The following RBL1 variants were observed in gnomAD, a reference collection of about 807,000 sequenced individuals.
RBL1 encodes the protein RB transcriptional corepressor like 1, also known as retinoblastoma-like protein 1.
A neutral mutation model predicts 123.0 loss-of-function variants in RBL1; 82 were observed. The ratio of observed to expected loss-of-function variants is 0.67; its 90% CI spans 0.56 to 0.80. RBL1 has a LOEUF of 0.80. Ranked by LOEUF, RBL1 falls within the 30% of genes least tolerant of loss-of-function variation. The pLI is 0.00. For synonymous variants in RBL1, 405 were observed against 441.3 expected (o/e 0.92, Z 1.03); for missense variants, 1,171 against 1,299.6 (o/e 0.90, Z 1.52).
At chr20:37,035,181 T>C (rs772129367) in intron 15 of RBL1, 61 bp downstream of exon 15, 123 of 1,469,368 alleles carry the variant, frequency 8.4e-5, no homozygotes, top group Non-Finnish European at 1.1e-4. Flanking sequence ...TCTAATCCAC[T>C]AAGACATTTC....
intron 11 of RBL1, among the ~76,000 whole-genome samples, chr20:37,048,502 G>C (rs1448092451): frequency 1.3e-5 from 2 of 152,132 alleles, no homozygotes; most frequent in South Asian, 4.1e-4. Context: ...AGCCAGGCAA[G>C]AGATTTACAG....
rs1298521828 is a variant in RBL1 at position 37,079,780 on chromosome 20, G to A, written c.290+9209C>T. 5.3e-5 allele frequency among the ~76,000 whole-genome samples: 8 copies of A among 152,174 alleles called. No homozygotes were observed. In the East Asian group the frequency reaches 1.2e-3, roughly 22 times the overall value. The stretch of plus-strand genomic sequence containing the variant: ...TGAGATTACAGGCATGAGCCACCAC[G>A]CCCAGCCCACAAAGGTTTCTATATG... On this transcript the variant is annotated intron_variant, in intron 2 of 21. Transcript: ENST00000373664.
In RBL1 at chr20:37,032,747, T is replaced by C. The variant is rs747104633; in HGVS notation, c.2300A>G (p.Asn767Ser). Residue 767 changes from asparagine to serine, a missense_variant, in exon 16 of 22, where the codon AAT (asparagine) becomes AGT (serine). Coordinates refer to ENST00000373664, the MANE Select transcript of RBL1 (RefSeq NM_002895.5). The stretch of plus-strand genomic sequence containing the variant: ...ATGTACCTCTTGTGCTTTAGTCAGA[T>C]TGGTCTGTTTTGGAGAAGCACCAAT... Reference protein sequence around the residue: ...SLIGASPKQTNLTKAQEVHST... With the variant: ...SLIGASPKQTSLTKAQEVHST... 3.3e-5 allele frequency: 53 copies of C among 1,613,990 alleles called. No individual in the cohort carries two copies. Among genetic ancestry groups the C allele is most frequent in the Non-Finnish European group, 4.4e-5 (52 of 1,179,994 alleles).
At chr20:37,054,461 G>A (rs1428106248) in intron 11 of RBL1, among the ~76,000 whole-genome samples, 1 of 151,916 alleles carries the variant, frequency 6.6e-6, no homozygotes, top group East Asian at 1.9e-4. Flanking sequence ...TCCAGCCTGG[G>A]TGACAGAGCG....
chr20:37,032,980 A>G (rs959521400), intron 15 of RBL1, 104 bp from the exon 16 acceptor site: 54 of 1,440,890 alleles, frequency 3.7e-5, no homozygotes, highest in Non-Finnish European at 4.4e-5. Flanking sequence ...TGTGTATAAG[A>G]AGGCTACAAA....
chr20:37,006,784 T>A (rs1265820053), intron 20 of RBL1, among the ~76,000 whole-genome samples: 2 of 143,794 alleles, frequency 1.4e-5, no homozygotes, highest in Admixed American at 7.2e-5. Context: ...AGGTTGCAGT[T>A]GAGCTGAGAT....
intron 1 of RBL1, among the ~76,000 whole-genome samples, chr20:37,092,713 A>T (rs2065668416): frequency 6.6e-6 from 1 of 152,048 alleles, no homozygotes; most frequent in African/African-American, 2.4e-5. Flanking sequence ...GCTGGTCTTG[A>T]ACTTCTGGGC....
At chr20:37,074,179 G>C (rs1600585031) in intron 2 of RBL1, among the ~76,000 whole-genome samples, 2 of 151,958 alleles carry the variant, frequency 1.3e-5, no homozygotes, top group African/African-American at 4.8e-5. Context: ...TTGGGAGGCT[G>C]AGGCAGGAAG....
chr20:36,996,368 A>G lies in RBL1; in HGVS notation c.*2391T>C, dbSNP rs1188092681. ...AAAGAGTTTTTTTTCAATAATCTCA[A>G]TTCCAATTTTTATTAGCCATTCTAT... On this transcript the variant is annotated 3_prime_UTR_variant, in exon 22 of 22. Transcript: ENST00000373664. 2.6e-5 allele frequency: 4 copies of G among 152,176 alleles called. No homozygotes were observed. Among genetic ancestry groups the G allele is most frequent in the East Asian group, 1.9e-4 (1 of 5,200 alleles). The allele number at this position is 152,176 out of a possible 1,614,324, so 9.4% of individuals were successfully genotyped here. A position where few individuals can be genotyped will look rare whatever the true frequency, so the allele number is the denominator to read the frequency against.
chr20:37,065,226 C>T (rs1454010298), intron 7 of RBL1, among the ~76,000 whole-genome samples, 198 bp downstream of exon 7: 1 of 152,184 alleles, frequency 6.6e-6, no homozygotes, highest in Non-Finnish European at 1.5e-5. Context: ...GGCCACCGTG[C>T]CTGGCCTTGA....
chr20:37,011,999 A>T (rs1320798100), intron 19 of RBL1, among the ~76,000 whole-genome samples: 1 of 152,098 alleles, frequency 6.6e-6, no homozygotes, highest in Admixed American at 6.5e-5. Flanking sequence ...AGTGCCTGCG[A>T]TTGCAGGCGC....
At position 36,998,358 on chromosome 20, in the gene RBL1, G is replaced by A. The variant is rs933392598; in HGVS notation, c.*401C>T. On this transcript the variant is annotated 3_prime_UTR_variant, in exon 22 of 22. Transcript: ENST00000373664. ...TTCTGCCTCAGCCTCCCAAGTAGCT[G>A]GGATTACAGGCATGCGCCACCACAC... 1 of 154,206 alleles carries A rather than the reference G, an allele frequency of 6.5e-6. No individual in the cohort carries two copies. Among genetic ancestry groups the A allele is most frequent in the African/African-American group, 2.4e-5 (1 of 41,432 alleles). The allele number at this position is 154,206 out of a possible 1,614,324, so 9.6% of individuals were successfully genotyped here.
chr20:37,004,644 C>CA (rs1476807504), intron 20 of RBL1, among the ~76,000 whole-genome samples: 1 of 143,650 alleles, frequency 7.0e-6, no homozygotes, highest in Non-Finnish European at 1.5e-5. Context: ...ACCCAGGAGG[C>CA]AGAGGTGTTG....
Position 37,003,833 on chromosome 20 carries a change from T to C in RBL1, c.2905A>G (p.Ile969Val). ...CGTGGTGAGCCTGGCTGTTGTTTAATATGTGGAAAAGGAGAGAGTGGTGGA... is the reference window on the plus strand; with the variant it reads ...CGTGGTGAGCCTGGCTGTTGTTTAACATGTGGAAAAGGAGAGAGTGGTGGA... ...DAPPLSPFPH[I>V]KQQPGSPRRI... The change falls in exon 21 of 22, where the codon ATT (isoleucine) becomes GTT (valine). Residue 969 changes from isoleucine (I) to valine (V), a missense_variant. Transcript: ENST00000373664. 6.2e-7 allele frequency: 1 copy of C among 1,613,836 alleles called. No homozygotes were observed. The highest frequency in any genetic ancestry group is 8.5e-7 in the Non-Finnish European group (1 of 1,179,904).
At chr20:37,056,648 C>T (rs1266423419) in intron 9 of RBL1, among the ~76,000 whole-genome samples, 2 of 151,954 alleles carry the variant, frequency 1.3e-5, no homozygotes, top group Non-Finnish European at 2.9e-5. Flanking sequence ...CCACCATGCC[C>T]GGCCAACATG....
intron 19 of RBL1, among the ~76,000 whole-genome samples, chr20:37,012,593 G>A (rs1225511883): frequency 7.0e-6 from 1 of 143,586 alleles, no homozygotes; most frequent in Non-Finnish European, 1.5e-5. Context: ...CTGCCCAGCC[G>A]CCCCGTCTGA....
chr20:37,083,339 G>A (rs1192957637), intron 2 of RBL1, among the ~76,000 whole-genome samples: 2 of 151,612 alleles, frequency 1.3e-5, no homozygotes, highest in African/African-American at 4.9e-5. Context: ...GTGATGAAAT[G>A]CACCTGTAGT....
chr20:37,073,869 G>T (rs1353953572), intron 2 of RBL1, among the ~76,000 whole-genome samples: 1 of 151,712 alleles, frequency 6.6e-6, no homozygotes, highest in Admixed American at 6.6e-5. Context: ...AAAATTAAAA[G>T]GCCGAAGCGG....
chr20:37,020,016 A>T (rs2064314312), intron 18 of RBL1, among the ~76,000 whole-genome samples: 1 of 152,088 alleles, frequency 6.6e-6, no homozygotes, highest in East Asian at 1.9e-4. Flanking sequence ...GAATCCTCAA[A>T]TTTCACTGGG....
Sources: gnomAD v4.1 joint callset for allele counts (sites outside exome capture counted in the v4.1 genomes callset) on GRCh38, gnomAD v4.1.1 for gene constraint, MANE v1.5 for transcripts, NCBI Gene and HGNC (gene_info 2026-07-23, HGNC 2026-07-21) for gene names.